Variants in GOLGA7 observed in about 807,000 individuals in gnomAD.
The protein encoded by GOLGA7 is golgin A7.
GOLGA7 carries 10 observed loss-of-function variants against 21.1 expected under a neutral mutation model. The observed-to-expected ratio is 0.47, with a 90% CI of 0.29 to 0.80. The LOEUF is 0.80. Among genes scored for constraint, GOLGA7 ranks in the 30% least tolerant of loss-of-function variants. The probability of loss-of-function intolerance (pLI) is 0.08; values close to 1 mark genes in which losing one functional copy is unlikely to be tolerated. For missense variants in GOLGA7, 114 were observed against 166.8 expected, an observed-to-expected ratio of 0.68 and a Z score of 1.74; for synonymous variants, 64 against 62.6, an observed-to-expected ratio of 1.02 and a Z score of -0.10.
chr8:41,508,312 G>A lies in GOLGA7; in HGVS notation c.*15+1191G>A, dbSNP rs977138046. On this transcript the variant is annotated intron_variant, in intron 4 of 4. Coordinates refer to ENST00000357743, the MANE Select transcript of GOLGA7 (RefSeq NM_001002296.2). Reference sequence around the variant, plus strand: ...GCTCCTGTATGATTTATTCAATCCTGTAAGCCATGCAACATTCCAGAGCTG... The same window carrying A: ...GCTCCTGTATGATTTATTCAATCCTATAAGCCATGCAACATTCCAGAGCTG... 1.9e-4 allele frequency among the ~76,000 whole-genome samples: 29 copies of A among 152,160 alleles called. 1 individual carries two copies. The highest frequency in any genetic ancestry group is 1.8e-3 in the Admixed American group (27 of 15,272).
At chr8:41,501,850 T>C (rs556563888) in intron 2 of GOLGA7, among the ~76,000 whole-genome samples, 25 of 152,366 alleles carry the variant, frequency 1.6e-4, no homozygotes, top group Non-Finnish European at 2.6e-4. Context: ...TTAAAAACCT[T>C]CCAATTATTA....
At chr8:41,491,215 A>G (rs1805875152) in intron 1 of GOLGA7, among the ~76,000 whole-genome samples, 1 of 152,190 alleles carries the variant, frequency 6.6e-6, no homozygotes, top group Non-Finnish European at 1.5e-5. Flanking sequence ...GGTGCCGGGA[A>G]TCTGGATCCA....
chr8:41,493,091 A>G (rs575957420), intron 1 of GOLGA7, among the ~76,000 whole-genome samples: 1 of 152,308 alleles, frequency 6.6e-6, no homozygotes, highest in African/African-American at 2.4e-5. Flanking sequence ...GCACTCTTCA[A>G]TTGTGCCTTT....
At chr8:41,505,768 TA>T in intron 2 of GOLGA7, 142 bp from the exon 3 acceptor site, 2 of 517,566 alleles carry the variant, frequency 3.9e-6, no homozygotes. Flanking sequence ...GTGAGCCAAG[TA>T]ATCACAGCTG....
intron 3 of GOLGA7, among the ~76,000 whole-genome samples, chr8:41,506,594 G>A (rs1207404217): frequency 6.6e-6 from 1 of 152,146 alleles, no homozygotes; most frequent in African/African-American, 2.4e-5. Context: ...TAAAAACCTA[G>A]GTCACATAAT....
At chr8:41,506,780 A>G (rs1806297090) in intron 3 of GOLGA7, among the ~76,000 whole-genome samples, 1 of 152,170 alleles carries the variant, frequency 6.6e-6, no homozygotes, top group South Asian at 2.1e-4. Context: ...AGAACTCCCT[A>G]GTTCAACAAA....
rs201273276 is a variant in GOLGA7 at position 41,490,681 on chromosome 8, AGGCCCGCGGT to A, written c.-172_-163del. 3.0e-3 allele frequency: 1,664 copies of A among 551,624 alleles called. 20 individuals carry two copies. Among genetic ancestry groups the A allele is most frequent in the African/African-American group, 0.03 (1,505 of 50,508 alleles). The allele number at this position is 551,624 out of a possible 1,614,324, so 34.2% of individuals were successfully genotyped here. A position where few individuals can be genotyped will look rare whatever the true frequency, so the allele number is the denominator to read the frequency against. On this transcript the variant is annotated 5_prime_UTR_variant, in exon 1 of 5. Coordinates refer to ENST00000357743, the MANE Select transcript of GOLGA7 (RefSeq NM_001002296.2). ...CGGGGCCTGGGCCAGGCGGCAGCTA[AGGCCCGCGGT>A]GACAGCATGGGTGAAGGGGAGCGGG...
chr8:41,506,285 TG>T (rs1283350047), intron 3 of GOLGA7, among the ~76,000 whole-genome samples: 3 of 152,066 alleles, frequency 2.0e-5, no homozygotes, highest in Non-Finnish European at 4.4e-5. Flanking sequence ...GTAGTAATAA[TG>T]GGGGTGGTTT....
At chr8:41,492,775 G>A (rs1352803356) in intron 1 of GOLGA7, among the ~76,000 whole-genome samples, 1 of 152,166 alleles carries the variant, frequency 6.6e-6, no homozygotes, top group African/African-American at 2.4e-5. Context: ...AGAATATAAA[G>A]TATTCTTTTT....
chr8:41,499,842 C>T (rs952810895), intron 2 of GOLGA7, among the ~76,000 whole-genome samples: 1 of 152,238 alleles, frequency 6.6e-6, no homozygotes, highest in Non-Finnish European at 1.5e-5. Flanking sequence ...GAGCGCTAGC[C>T]AGGGACCATG....
chr8:41,490,621 T>A lies in GOLGA7; in HGVS notation c.-234T>A. The A allele has an allele frequency of 2.0e-6, 1 of 511,552 alleles. No homozygotes were observed. Among genetic ancestry groups the A allele is most frequent in the Non-Finnish European group, 3.5e-6 (1 of 288,870 alleles). The allele number at this position is 511,552 out of a possible 1,614,324, so 31.7% of individuals were successfully genotyped here. On this transcript the variant is annotated 5_prime_UTR_variant, in exon 1 of 5. Coordinates refer to ENST00000357743, the MANE Select transcript of GOLGA7 (RefSeq NM_001002296.2). ...AGCTGGAGGGCAGAGGAGGCGGGTT[T>A]GTGTTTCCCGGGCCGAACCGGGTTG... is the stretch of plus-strand genomic sequence containing the variant.
At chr8:41,507,650 T>TA (rs968233734) in intron 4 of GOLGA7, among the ~76,000 whole-genome samples, 2 of 152,220 alleles carry the variant, frequency 1.3e-5, no homozygotes, top group African/African-American at 2.4e-5. Context: ...TTTAAAGTAT[T>TA]AATGTCCTTA....
At chr8:41,504,955 G>A (rs908402133) in intron 2 of GOLGA7, among the ~76,000 whole-genome samples, 1 of 151,958 alleles carries the variant, frequency 6.6e-6, no homozygotes, top group Non-Finnish European at 1.5e-5. Flanking sequence ...TTTATCATTT[G>A]CTAATAGTGT....
intron 3 of GOLGA7, among the ~76,000 whole-genome samples, chr8:41,506,289 G>A (rs1445892123): frequency 2.0e-5 from 3 of 151,964 alleles, no homozygotes; most frequent in African/African-American, 7.3e-5. Flanking sequence ...TAATAATGGG[G>A]GTGGTTTGAG....
At chr8:41,504,686 A>G (rs1197022208) in intron 2 of GOLGA7, among the ~76,000 whole-genome samples, 1 of 152,268 alleles carries the variant, frequency 6.6e-6, no homozygotes, top group Admixed American at 6.5e-5. Context: ...AGAAGCATAA[A>G]ACATGAGATT....
At chr8:41,496,654 ATT>A (rs767639104) in intron 1 of GOLGA7, among the ~76,000 whole-genome samples, 10 of 133,840 alleles carry the variant, frequency 7.5e-5, no homozygotes, top group Non-Finnish European at 9.8e-5. Flanking sequence ...CTAAAATGCC[ATT>A]TTTTTTTTTT....
intron 1 of GOLGA7, among the ~76,000 whole-genome samples, chr8:41,495,854 T>G (rs1423056108): frequency 1.3e-5 from 2 of 152,098 alleles, no homozygotes; most frequent in East Asian, 1.9e-4. Context: ...AGTAGCAAAA[T>G]TTGAAATCTG....
At chr8:41,507,448 A>G (rs1000144529) in intron 4 of GOLGA7, among the ~76,000 whole-genome samples, 4 of 152,162 alleles carry the variant, frequency 2.6e-5, no homozygotes, top group Non-Finnish European at 5.9e-5. Flanking sequence ...AGACATATAA[A>G]TACTTGGGTT....
intron 1 of GOLGA7, among the ~76,000 whole-genome samples, chr8:41,494,213 C>A (rs1805953247): frequency 6.6e-6 from 1 of 152,022 alleles, no homozygotes; most frequent in Non-Finnish European, 1.5e-5. Context: ...GTGGTTTGCA[C>A]CCAAGTAATC....
Sources: allele counts gnomAD v4.1 joint callset (sites outside exome capture counted in the v4.1 genomes callset), GRCh38; gene constraint gnomAD v4.1.1; transcripts MANE v1.5; gene names NCBI Gene and HGNC (gene_info 2026-07-23, HGNC 2026-07-21).